The following MACF1 variants were observed in gnomAD, a reference collection of about 807,000 sequenced individuals.
MACF1 encodes microtubule-actin cross-linking factor 1.
Under a neutral mutation model 854.8 loss-of-function variants are expected in MACF1, and 193 were observed. The observed-to-expected ratio is 0.23, with a 90% confidence interval of 0.20 to 0.25. The LOEUF (loss-of-function observed/expected upper bound fraction) is 0.25, where lower values mean the gene tolerates loss of function less well. Ranked by LOEUF, MACF1 falls within the 10% of genes least tolerant of loss-of-function variation. MACF1 has a pLI of 1.00. For missense variants in MACF1, 7,722 were observed against 8,929.1 expected, an observed-to-expected ratio of 0.86 and a Z score of 5.45; for synonymous variants, 3,185 against 3,226.7, an observed-to-expected ratio of 0.99 and a Z score of 0.44.
Position 39,221,072 on chromosome 1 carries a change from T to C in MACF1, c.110-10110T>C, listed in dbSNP as rs549457892. Among the ~76,000 whole-genome samples the C allele has an allele frequency of 2.0e-5, 3 of 151,696 alleles. No individual in the cohort carries two copies. In the South Asian group the frequency reaches 6.3e-4, roughly 32 times the overall value. On this transcript the variant is annotated intron_variant, in intron 1 of 100. Transcript: ENST00000564288. Reference sequence around the variant, plus strand: ...GGGGGAAAGGTTGCTCCTAGTAGAGTAGGACAGATGCGAAAGGTATGTTTG... The same window carrying C: ...GGGGGAAAGGTTGCTCCTAGTAGAGCAGGACAGATGCGAAAGGTATGTTTG...
chr1:39,155,897 T>TAAGAC (rs1643673614), intron 2 of MACF1, among the ~76,000 whole-genome samples: 1 of 150,518 alleles, frequency 6.6e-6, no homozygotes, highest in Admixed American at 6.6e-5. Flanking sequence ...TTGTTTTGTT[T>TAAGAC]TTTTTTTTGA....
chr1:39,090,667 G>A (rs1461634846), intron 2 of MACF1, among the ~76,000 whole-genome samples: 2 of 152,224 alleles, frequency 1.3e-5, no homozygotes, highest in Admixed American at 6.5e-5. Flanking sequence ...GTTTGTTATG[G>A]GAGAAGCCTA....
At chr1:39,360,036 T>G (rs1180026534) in intron 47 of MACF1, among the ~76,000 whole-genome samples, 8 of 86,020 alleles carry the variant, frequency 9.3e-5, no homozygotes, top group African/African-American at 3.4e-4. Context: ...TATATATATA[T>G]ATATATATAT....
rs146492586 is a variant in MACF1 at position 39,444,757 on chromosome 1, T to C, written c.19527T>C (p.Ser6509=). Residue 6509 remains serine, a synonymous_variant, in exon 80 of 101, where the codon TCT becomes TCC. Transcript: ENST00000564288. The part of the protein sequence containing the change: ...LMLLSRDDSG[S]GSKTEQSVAL... ...TTCTAAGCCGTGACGACTCTGGGTCTGGCTCCAAGACAGAACAGAGTGTAG... is the reference window on the plus strand; with the variant it reads ...TTCTAAGCCGTGACGACTCTGGGTCCGGCTCCAAGACAGAACAGAGTGTAG... 353 of 1,614,068 alleles carry C rather than the reference T, an allele frequency of 2.2e-4. No individual in the cohort carries two copies. The highest frequency in any genetic ancestry group is 2.9e-4 in the Non-Finnish European group (337 of 1,179,992).
intron 2 of MACF1, among the ~76,000 whole-genome samples, chr1:39,238,648 G>T (rs1644886566): frequency 6.6e-6 from 1 of 152,196 alleles, no homozygotes; most frequent in African/African-American, 2.4e-5. Flanking sequence ...CCTCAGTGCT[G>T]TGTGATGACA....
In MACF1 at chr1:39,205,076, C is replaced by T. The variant is rs1644435162; in HGVS notation, c.54C>T (p.His18=). ...CACCAACCATCTTTATTTTGACTCACGTTCTTGGAGTTGCTGGTGTTCTAT... is the reference window on the plus strand; with the variant it reads ...CACCAACCATCTTTATTTTGACTCATGTTCTTGGAGTTGCTGGTGTTCTAT... The part of the protein sequence containing the change: ...YLPPTIFILT[H]VLGVAGVLYW... The change falls in exon 1 of 101, where the codon CAC becomes CAT. Residue 18 remains histidine (H), a synonymous_variant. Coordinates refer to ENST00000564288, the MANE Select transcript of MACF1 (RefSeq NM_001394062.1). The T allele has an allele frequency of 2.8e-6, 2 of 703,004 alleles. No individual in the cohort carries two copies. The highest frequency in any genetic ancestry group is 2.7e-5 in the East Asian group (1 of 37,292). 43.5% of individuals were successfully genotyped at this position (703,004 alleles called of 1,614,324 possible).
At chr1:39,288,062 ATT>A (rs888786743) in intron 15 of MACF1, among the ~76,000 whole-genome samples, 20 of 152,228 alleles carry the variant, frequency 1.3e-4, no homozygotes, top group Admixed American at 1.0e-3. Context: ...AGGTACATAT[ATT>A]TATACGATAC....
At chr1:39,402,074 TG>T (rs1642497980) in intron 58 of MACF1, among the ~76,000 whole-genome samples, 1 of 108,236 alleles carries the variant, frequency 9.2e-6, no homozygotes, top group Non-Finnish European at 2.4e-5. Flanking sequence ...TAGCCAGGCT[TG>T]GTGGTGGGTG....
At chr1:39,437,260 A>G (rs895705631) in intron 70 of MACF1, among the ~76,000 whole-genome samples, 38 of 150,486 alleles carry the variant, frequency 2.5e-4, no homozygotes, top group Non-Finnish European at 1.2e-4. Context: ...TTTTTTTTTA[A>G]TGGGCCAGCT....
chr1:39,099,387 C>T (rs1642012849), intron 2 of MACF1, among the ~76,000 whole-genome samples: 2 of 152,166 alleles, frequency 1.3e-5, no homozygotes, highest in African/African-American at 4.8e-5. Context: ...GAACTCCTGA[C>T]CTCAGGTGAT....
rs765563414 is a variant in MACF1, at chr1:39,428,196, A to C, written c.16712A>C (p.Asn5571Thr). 35 of 1,614,136 alleles carry C rather than the reference A, an allele frequency of 2.2e-5. No homozygotes were observed. The South Asian group carries it at 3.6e-4, about 17-fold the overall frequency. The change falls in exon 63 of 101, where the codon AAC becomes ACC. Residue 5571 changes from asparagine (N) to threonine (T), a missense_variant. By Grantham distance (65) the Asn-to-Thr change is moderately conservative. Transcript: ENST00000564288. The stretch of plus-strand genomic sequence containing the variant: ...GGGGAGGATGAGGTGGAGGTGCTCA[A>C]CTGGCTGGCTGAGGTTGAGGACAAG... ...LFGEDEVEVLNWLAEVEDKLS... is the reference protein window; with the variant it reads ...LFGEDEVEVLTWLAEVEDKLS...
chr1:39,329,996 G>A lies in MACF1; in HGVS notation c.4615-1207G>A, dbSNP rs147145781. ...TGGAACTCACTAGTTTTGTGACCTT[G>A]GACAAGTTACCTAAACTCTGTGCCT... is the stretch of plus-strand genomic sequence containing the variant. On this transcript the variant is annotated intron_variant, in intron 36 of 100. Coordinates refer to ENST00000564288, the MANE Select transcript of MACF1 (RefSeq NM_001394062.1). Among the ~76,000 whole-genome samples the A allele has an allele frequency of 2.4e-3, 358 of 152,248 alleles. 1 individual carries two copies. The highest frequency in any genetic ancestry group is 4.6e-3 in the South Asian group (22 of 4,828).
Position 39,414,084 on chromosome 1 carries a change from A to G in MACF1, c.15817-8290A>G, listed in dbSNP as rs763827336. On this transcript the variant is annotated intron_variant, in intron 58 of 100. Transcript: ENST00000564288. ...AGGAACTCAGTTCCCCAGCAGCTTC[A>G]GTGCCCACCCCCGAGGAGCCTGCCT... is the stretch of plus-strand genomic sequence containing the variant. The G allele has an allele frequency of 2.5e-6, 4 of 1,606,498 alleles. No individual in the cohort carries two copies. In the East Asian group the frequency reaches 6.7e-5, roughly 27 times the overall value.
At chr1:39,351,067 G>GTACC in intron 43 of MACF1, 49 bp downstream of exon 43, 1 of 1,393,446 alleles carries the variant, frequency 7.2e-7, no homozygotes, top group Non-Finnish European at 9.9e-7. Context: ...GAAAATTTTG[G>GTACC]TACCAACACA....
intron 1 of MACF1, among the ~76,000 whole-genome samples, chr1:39,213,939 A>AC (rs1644546352): frequency 6.6e-6 from 1 of 152,148 alleles, no homozygotes; most frequent in Non-Finnish European, 1.5e-5. Flanking sequence ...TGGGAGGGAT[A>AC]CCCACTTGGG....
At chr1:39,269,073 G>A in intron 6 of MACF1, 1 of 1,289,796 alleles carries the variant, frequency 7.8e-7, no homozygotes, top group Non-Finnish European at 1.0e-6. Flanking sequence ...GTTAGAGAAT[G>A]AGTCATCAGT....
At position 39,457,992 on chromosome 1, in the gene MACF1, A is replaced by G. The variant is rs139441921; in HGVS notation, c.21076-378A>G. 2.0e-4 allele frequency: 33 copies of G among 163,928 alleles called. 1 individual carries two copies. The East Asian group carries it at 5.2e-3, about 26-fold the overall frequency. 10.2% of individuals were successfully genotyped at this position (163,928 alleles called of 1,614,324 possible). On this transcript the variant is annotated intron_variant, in intron 89 of 100. Coordinates refer to ENST00000564288, the MANE Select transcript of MACF1 (RefSeq NM_001394062.1). ...AGGCAAAGGGGAGCCAGCGTGTTAC[A>G]TGGCAAGAGAGGGAGAGAGAGAAAG... is the stretch of plus-strand genomic sequence containing the variant.
intron 2 of MACF1, among the ~76,000 whole-genome samples, chr1:39,197,602 G>T (rs1296000095): frequency 6.6e-6 from 1 of 152,242 alleles, no homozygotes; most frequent in Non-Finnish European, 1.5e-5. Context: ...ACTGTGAAAA[G>T]ACGGTTGTGG....
upstream of MACF1, among the ~76,000 whole-genome samples, chr1:39,202,514 A>G (rs979269558): frequency 1.3e-5 from 2 of 151,714 alleles, no homozygotes; most frequent in Non-Finnish European, 2.9e-5. Context: ...ACGTGCCTGT[A>G]GTCCCAGCTG....
Sources: gnomAD v4.1 joint callset for allele counts (sites outside exome capture counted in the v4.1 genomes callset) on GRCh38, gnomAD v4.1.1 for gene constraint, MANE v1.5 for transcripts, NCBI Gene and HGNC (gene_info 2026-07-23, HGNC 2026-07-21) for gene names.